The following MOSPD1 variants were observed in gnomAD, a reference collection of about 807,000 sequenced individuals.
MOSPD1 encodes motile sperm domain containing 1, also known as motile sperm domain-containing protein 1.
MOSPD1 carries 5 observed loss-of-function variants against 16.7 expected under a neutral mutation model. The observed-to-expected ratio is 0.30, with a 90% confidence interval of 0.16 to 0.63. The LOEUF is 0.63. Among genes scored for constraint, MOSPD1 ranks in the 30% least tolerant of loss-of-function variants. The pLI is 0.82. For missense variants in MOSPD1, 104 were observed against 153.6 expected, an observed-to-expected ratio of 0.68 and a Z score of 1.71; for synonymous variants, 67 against 59.2, an observed-to-expected ratio of 1.13 and a Z score of -0.61.
At chrX:134,899,017 CTTT>C in intron 3 of MOSPD1, 70 bp downstream of exon 3, 1 of 871,334 alleles carries the variant, frequency 1.1e-6, no homozygotes, top group African/African-American at 2.0e-5. Context: ...AAGAAAATAT[CTTT>C]TTTTTTCAAG....
intron 3 of MOSPD1, 98 bp downstream of exon 3, chrX:134,898,992 T>C (rs2082899017): frequency 8.0e-6 from 6 of 753,148 alleles, no homozygotes; most frequent in East Asian, 3.2e-5. Flanking sequence ...TAAATGCCTA[T>C]GTGAGAACAG....
intron 1 of MOSPD1, 130 bp from the exon 2 acceptor site, chrX:134,899,664 C>T: frequency 3.5e-6 from 1 of 286,430 alleles, no homozygotes. Flanking sequence ...TGCAGTAGCT[C>T]ATGCCTGTAA....
At chrX:134,899,824 G>A (rs2082903649) in intron 1 of MOSPD1, 1 of 115,491 alleles carries the variant, frequency 8.7e-6, no homozygotes, top group African/African-American at 3.3e-5. Flanking sequence ...TGGGTGTGGT[G>A]ACATGCCTGT....
chrX:134,897,841 T>C, intron 3 of MOSPD1, among the ~76,000 whole-genome samples: 1 of 111,636 alleles, frequency 9.0e-6, no homozygotes, highest in Middle Eastern at 4.6e-3. Context: ...TCTACTTCTC[T>C]AAAGAGAAAA....
At chrX:134,900,684 T>C (rs946209255) in intron 1 of MOSPD1, among the ~76,000 whole-genome samples, 5 of 111,082 alleles carry the variant, frequency 4.5e-5, no homozygotes, top group African/African-American at 1.6e-4. Flanking sequence ...TGTATTTATT[T>C]CCTAATCTCA....
At position 134,897,080 on chromosome X, in the gene MOSPD1, C is replaced by T. The variant is rs201650423; in HGVS notation, c.231-46G>A. ...AAATGCTGTTTAGATTTCTGGGGGC[C>T]GGCCAAACAGAAGGCAGTGAGATAT... On this transcript the variant is annotated intron_variant, in intron 3 of 5. Coordinates refer to ENST00000370783, the MANE Select transcript of MOSPD1 (RefSeq NM_019556.3). The T allele has an allele frequency of 4.7e-4, 427 of 915,749 alleles. 1 individual carries two copies. The African/African-American group carries it at 7.7e-3, about 16-fold the overall frequency. The allele number at this position is 915,749 out of a possible 1,213,427, so 75.5% of individuals were successfully genotyped here.
chrX:134,897,833 T>C (rs2082893697), intron 3 of MOSPD1, among the ~76,000 whole-genome samples: 1 of 111,624 alleles, frequency 9.0e-6, no homozygotes, highest in African/African-American at 3.3e-5. Context: ...AATACACCTC[T>C]ACTTCTCTAA....
chrX:134,895,480 T>C (rs1391732542), intron 4 of MOSPD1, among the ~76,000 whole-genome samples: 2 of 111,838 alleles, frequency 1.8e-5, no homozygotes, highest in African/African-American at 6.5e-5. Context: ...TTACTCCTTA[T>C]TATTCTTGGT....
chrX:134,901,415 G>A (rs752332964), intron 1 of MOSPD1, among the ~76,000 whole-genome samples: 12 of 110,338 alleles, frequency 1.1e-4, no homozygotes, highest in Non-Finnish European at 1.9e-4. Context: ...TTGCGAGGCC[G>A]AAGCGGGCGG....
At chrX:134,890,282 G>A (rs1009185534) in intron 5 of MOSPD1, among the ~76,000 whole-genome samples, 2 of 110,466 alleles carry the variant, frequency 1.8e-5, no homozygotes, top group Non-Finnish European at 3.8e-5. Context: ...AGAGGTCTCA[G>A]ATTGTGGAGA....
In MOSPD1 at chrX:134,897,534, A is replaced by C. The variant is rs753826095; in HGVS notation, c.231-500T>G. 4.5e-4 allele frequency among the ~76,000 whole-genome samples: 43 copies of C among 96,329 alleles called. No individual in the cohort carries two copies. In the East Asian group the frequency reaches 0.013, roughly 29 times the overall value. The allele number at this position is 96,329 out of a possible 115,157, so 83.7% of individuals were successfully genotyped here. A position where few individuals can be genotyped will look rare whatever the true frequency, so the allele number is the denominator to read the frequency against. ...ATCGCTGCCATAGCAAGAGAGCAAG[A>C]CTCTGTCTTATTAAAAAAAAAAAAA... On this transcript the variant is annotated intron_variant, in intron 3 of 5. Coordinates refer to ENST00000370783, the MANE Select transcript of MOSPD1 (RefSeq NM_019556.3).
intron 4 of MOSPD1, among the ~76,000 whole-genome samples, chrX:134,894,230 T>A (rs765268085): frequency 8.9e-6 from 1 of 112,212 alleles, no homozygotes; most frequent in South Asian, 3.7e-4. Context: ...TATTGCTATA[T>A]GTGTTTTATA....
chrX:134,891,409 A>AACC, intron 5 of MOSPD1, 70 bp downstream of exon 5: 1 of 1,052,489 alleles, frequency 9.5e-7, no homozygotes, highest in Non-Finnish European at 1.3e-6. Context: ...AAAAAAATCA[A>AACC]ACCACCACCA....
chrX:134,891,339 A>G, intron 5 of MOSPD1, 140 bp downstream of exon 5: 1 of 532,369 alleles, frequency 1.9e-6, no homozygotes, highest in Non-Finnish European at 3.0e-6. Flanking sequence ...AAAGTCTTCA[A>G]AGGCACCTGA....
At chrX:134,913,331 A>G (rs2148401838) in intron 1 of MOSPD1, among the ~76,000 whole-genome samples, 1 of 111,025 alleles carries the variant, frequency 9.0e-6, no homozygotes, top group East Asian at 2.8e-4. Context: ...CTGAGACTGC[A>G]CCACTGCACT....
intron 1 of MOSPD1, among the ~76,000 whole-genome samples, chrX:134,909,884 T>C (rs2082961980): frequency 1.0e-5 from 1 of 98,192 alleles, no homozygotes; most frequent in African/African-American, 4.0e-5. Context: ...AAAAGTTGAG[T>C]AGTATACATT....
At chrX:134,902,271 G>A (rs1168338839) in intron 1 of MOSPD1, among the ~76,000 whole-genome samples, 1 of 110,049 alleles carries the variant, frequency 9.1e-6, no homozygotes, top group Non-Finnish European at 1.9e-5. Flanking sequence ...GCCACGTGTG[G>A]TGGTGGGCGC....
At position 134,893,520 on chromosome X, in the gene MOSPD1, G is replaced by A. The variant is rs143037920; in HGVS notation, c.449-1880C>T. Reference sequence around the variant, plus strand: ...TTTTCCCTAGTACTACAGGATCGTTGTAAAATATGTTATAAAGATACAGAA... The same window carrying A: ...TTTTCCCTAGTACTACAGGATCGTTATAAAATATGTTATAAAGATACAGAA... On this transcript the variant is annotated intron_variant, in intron 4 of 5. Transcript: ENST00000370783. Among the ~76,000 whole-genome samples the A allele has an allele frequency of 5.2e-3, 580 of 111,901 alleles. 7 individuals are homozygous for A. The highest frequency in any genetic ancestry group is 0.016 in the African/African-American group (501 of 30,920).
At chrX:134,911,982 G>T (rs183181353) in intron 1 of MOSPD1, among the ~76,000 whole-genome samples, 1 of 112,388 alleles carries the variant, frequency 8.9e-6, no homozygotes, top group African/African-American at 3.2e-5. Context: ...TCAATTTCCC[G>T]ATGAAAAGAG....
Sources: allele counts gnomAD v4.1 joint callset (sites outside exome capture counted in the v4.1 genomes callset), GRCh38; gene constraint gnomAD v4.1.1; transcripts MANE v1.5; gene names NCBI Gene and HGNC (gene_info 2026-07-23, HGNC 2026-07-21).